The following ANGPT1 variants were observed in gnomAD, a reference collection of about 807,000 sequenced individuals.
ANGPT1 encodes the protein angiopoietin 1, also known as angiopoietin-1.
In ANGPT1, 17 loss-of-function variants were observed where a neutral mutation model predicts 62.2. That is an observed-to-expected ratio of 0.27 (90% CI 0.19 to 0.41). The LOEUF (loss-of-function observed/expected upper bound fraction) is 0.41. Among genes scored for constraint, ANGPT1 ranks in the 10% least tolerant of loss-of-function variants. ANGPT1 has a pLI of 1.00. For missense variants in ANGPT1, 478 were observed against 594.9 expected (o/e 0.80, Z 2.04); for synonymous variants, 199 against 198.9 (o/e 1.00, Z 0.00).
intron 6 of ANGPT1, among the ~76,000 whole-genome samples, chr8:107,289,543 T>C (rs1258502045): frequency 6.6e-6 from 1 of 152,132 alleles, no homozygotes; most frequent in Non-Finnish European, 1.5e-5. Context: ...TGCAGTTAAA[T>C]TGTGCATCTC....
chr8:107,461,170 C>T (rs1025155841), intron 1 of ANGPT1, among the ~76,000 whole-genome samples: 1 of 152,040 alleles, frequency 6.6e-6, no homozygotes, highest in Non-Finnish European at 1.5e-5. Flanking sequence ...TTGAGCTGGG[C>T]TAGATCATTT....
chr8:107,488,118 T>C (rs964095409), intron 1 of ANGPT1, among the ~76,000 whole-genome samples: 2 of 152,174 alleles, frequency 1.3e-5, no homozygotes, highest in Admixed American at 1.3e-4. Context: ...TCATGTGAAA[T>C]ATGGGTGGGC....
chr8:107,404,964 T>G (rs1865125), intron 1 of ANGPT1, among the ~76,000 whole-genome samples: 20,201 of 152,070 alleles, frequency 0.13, 1,560 homozygotes, highest in African/African-American at 0.21. Context: ...TAAACATTTA[T>G]GCTAATAGCA....
intron 7 of ANGPT1, among the ~76,000 whole-genome samples, chr8:107,268,481 TTTTG>T (rs1586173124): frequency 6.6e-6 from 1 of 151,680 alleles, no homozygotes; most frequent in African/African-American, 2.4e-5. Context: ...ATCTTTCCAG[TTTTG>T]TTTTTGTTCT....
rs1816378379 is a variant in ANGPT1 at position 107,370,399 on chromosome 8, AG to A, written c.298-23303del. On this transcript the variant is annotated intron_variant, in intron 1 of 8. Transcript: ENST00000517746. The stretch of plus-strand genomic sequence containing the variant: ...AAGAAAGAAAGAAAGAAAGAAAGAA[AG>A]AAAGAAAGAGTCAGGGTCAGTGGCT... Among the ~76,000 whole-genome samples, 2 of 55,802 alleles carry A rather than the reference AG, an allele frequency of 3.6e-5. 1 individual carries two copies. The highest frequency in any genetic ancestry group is 8.3e-5 in the African/African-American group (2 of 24,118). 36.6% of individuals were successfully genotyped at this position (55,802 alleles called of 152,430 possible). A position where few individuals can be genotyped will look rare whatever the true frequency, so the allele number is the denominator to read the frequency against.
At chr8:107,365,589 A>G (rs1170968939) in intron 1 of ANGPT1, among the ~76,000 whole-genome samples, 1 of 152,102 alleles carries the variant, frequency 6.6e-6, no homozygotes, top group Non-Finnish European at 1.5e-5. Flanking sequence ...CTGGTCTAAC[A>G]TGGAAAGGTC....
Position 107,347,032 on chromosome 8 carries a change from C to T in ANGPT1, c.363G>A (p.Gln121=). The part of the protein sequence containing the change: ...EMAQIQQNAV[Q]NHTATMLEIG... ...TCTCCAGCATGGTAGCCGTGTGGTT[C>T]TGAACTGCATTCTGCTGTATCTGGG... Residue 121 remains glutamine (Q), a synonymous_variant, in exon 2 of 9, where the codon CAG becomes CAA. Transcript: ENST00000517746. 2 of 1,613,900 alleles carry T rather than the reference C, an allele frequency of 1.2e-6. No individual in the cohort carries two copies. Among genetic ancestry groups the T allele is most frequent in the Non-Finnish European group, 1.7e-6 (2 of 1,179,886 alleles).
At chr8:107,354,583 T>C (rs1403954590) in intron 1 of ANGPT1, among the ~76,000 whole-genome samples, 1 of 152,182 alleles carries the variant, frequency 6.6e-6, no homozygotes, top group Non-Finnish European at 1.5e-5. Flanking sequence ...TGAATGTATA[T>C]ATCTATAAAA....
At chr8:107,398,500 A>ATTT (rs10556477) in intron 1 of ANGPT1, among the ~76,000 whole-genome samples, 41 of 132,758 alleles carry the variant, frequency 3.1e-4, no homozygotes, top group African/African-American at 7.9e-4. Flanking sequence ...TTTCTTTTCT[A>ATTT]TTTTTTTTTT....
At position 107,408,504 on chromosome 8, in the gene ANGPT1, A is replaced by G. The variant is rs188370293; in HGVS notation, c.298-61407T>C. Among the ~76,000 whole-genome samples the G allele has an allele frequency of 1.8e-4, 11 of 61,100 alleles. No individual in the cohort carries two copies. The East Asian group carries it at 5.9e-3, about 33-fold the overall frequency. The allele number at this position is 61,100 out of a possible 152,430, so 40.1% of individuals were successfully genotyped here. On this transcript the variant is annotated intron_variant, in intron 1 of 8. Coordinates refer to ENST00000517746, the MANE Select transcript of ANGPT1 (RefSeq NM_001146.5). Reference sequence around the variant, plus strand: ...CTTCGTGCTGAAAGTAGAAAAACAAAGTAGGAGATAGGGTTGGGAGGGTGA... The same window carrying G: ...CTTCGTGCTGAAAGTAGAAAAACAAGGTAGGAGATAGGGTTGGGAGGGTGA...
At chr8:107,480,325 G>T (rs1812645627) in intron 1 of ANGPT1, among the ~76,000 whole-genome samples, 2 of 152,052 alleles carry the variant, frequency 1.3e-5, no homozygotes, top group South Asian at 4.1e-4. Flanking sequence ...GAAGAATAAG[G>T]TATCTATTTA....
chr8:107,399,549 G>A (rs909222115), intron 1 of ANGPT1, among the ~76,000 whole-genome samples: 1 of 152,076 alleles, frequency 6.6e-6, no homozygotes, highest in Non-Finnish European at 1.5e-5. Flanking sequence ...AAATATAGGT[G>A]ATTCACGGTC....
intron 1 of ANGPT1, among the ~76,000 whole-genome samples, chr8:107,474,653 T>G (rs1397758872): frequency 2.0e-5 from 3 of 152,200 alleles, no homozygotes; most frequent in African/African-American, 7.2e-5. Flanking sequence ...TGTCCGTGTT[T>G]GCAGATGACA....
At chr8:107,367,854 T>C (rs1202693370) in intron 1 of ANGPT1, among the ~76,000 whole-genome samples, 1 of 152,216 alleles carries the variant, frequency 6.6e-6, no homozygotes, top group Middle Eastern at 3.2e-3. Context: ...CCACTTCTAA[T>C]TCTAATTCTC....
rs77738201 is a variant in ANGPT1 at position 107,403,111 on chromosome 8, T to C, written c.298-56014A>G. On this transcript the variant is annotated intron_variant, in intron 1 of 8. Transcript: ENST00000517746. ...TGTGTTCAGTAGTTCAGAAATGTCATTAAAGATCCAGAATCTTTTATTGTT... is the reference window on the plus strand; with the variant it reads ...TGTGTTCAGTAGTTCAGAAATGTCACTAAAGATCCAGAATCTTTTATTGTT... Among the ~76,000 whole-genome samples, 1,109 of 152,276 alleles carry C rather than the reference T, an allele frequency of 7.3e-3. 5 individuals carry two copies. The highest frequency in any genetic ancestry group is 0.012 in the Non-Finnish European group (808 of 68,012).
At chr8:107,432,320 G>A (rs893966110) in intron 1 of ANGPT1, among the ~76,000 whole-genome samples, 2 of 152,086 alleles carry the variant, frequency 1.3e-5, no homozygotes, top group Non-Finnish European at 2.9e-5. Flanking sequence ...ACTTTCCAGA[G>A]AATTTTCTGA....
At chr8:107,377,073 G>T (rs1816544495) in intron 1 of ANGPT1, among the ~76,000 whole-genome samples, 1 of 152,052 alleles carries the variant, frequency 6.6e-6, no homozygotes. Flanking sequence ...GTGTAAGGAT[G>T]AAGCTTAAAT....
intron 1 of ANGPT1, among the ~76,000 whole-genome samples, chr8:107,380,559 GT>G: frequency 6.6e-6 from 1 of 152,094 alleles, no homozygotes; most frequent in East Asian, 1.9e-4. Context: ...CAATTGGTTA[GT>G]TTTTATAGGT....
intron 1 of ANGPT1, among the ~76,000 whole-genome samples, chr8:107,421,197 CA>C (rs943382449): frequency 1.1e-4 from 16 of 152,132 alleles, no homozygotes; most frequent in Non-Finnish European, 2.1e-4. Context: ...AAAAATTCAT[CA>C]AAAGGTAAAA....
Sources: allele counts gnomAD v4.1 joint callset (sites outside exome capture counted in the v4.1 genomes callset), GRCh38; gene constraint gnomAD v4.1.1; transcripts MANE v1.5; gene names NCBI Gene and HGNC (gene_info 2026-07-23, HGNC 2026-07-21).